Variants in DSCAM observed in about 807,000 individuals in gnomAD.
DSCAM encodes the protein DS cell adhesion molecule.
DSCAM carries 47 observed loss-of-function variants against 217.7 expected under a neutral mutation model. The observed-to-expected ratio is 0.22, with a 90% CI of 0.17 to 0.28. DSCAM has a LOEUF of 0.28. DSCAM is among the 10% of genes least tolerant of loss of function. The pLI is 1.00. For synonymous variants in DSCAM, 1,056 were observed against 1,015.3 expected, an observed-to-expected ratio of 1.04 and a Z score of -0.76; for missense variants, 2,080 against 2,618.3, an observed-to-expected ratio of 0.79 and a Z score of 4.49.
chr21:40,713,983 C>A (rs2090812122), intron 1 of DSCAM, among the ~76,000 whole-genome samples: 1 of 152,174 alleles, frequency 6.6e-6, no homozygotes, highest in Non-Finnish European at 1.5e-5. Context: ...TGGTCCCAGG[C>A]CTGGCTTAAC....
intron 3 of DSCAM, among the ~76,000 whole-genome samples, chr21:40,486,397 G>A (rs1001227656): frequency 1.3e-5 from 2 of 151,950 alleles, no homozygotes; most frequent in African/African-American, 2.4e-5. Context: ...TCAGATCCTG[G>A]CATGGAGTAT....
chr21:40,789,440 G>T (rs1033447228), intron 1 of DSCAM, among the ~76,000 whole-genome samples: 7 of 152,214 alleles, frequency 4.6e-5, no homozygotes, highest in East Asian at 3.9e-4. Flanking sequence ...CTGTAGCTGA[G>T]CAGCTTTGTA....
At chr21:40,676,674 A>C (rs545236642) in intron 3 of DSCAM, among the ~76,000 whole-genome samples, 1 of 152,314 alleles carries the variant, frequency 6.6e-6, no homozygotes, top group East Asian at 1.9e-4. Context: ...ACTGACATGG[A>C]AAGTTCGAAC....
intron 3 of DSCAM, among the ~76,000 whole-genome samples, chr21:40,620,045 AG>A (rs2089463917): frequency 8.2e-6 from 1 of 122,184 alleles, no homozygotes; most frequent in Non-Finnish European, 1.7e-5. Context: ...AGAAAGAGAG[AG>A]AAAAAAGAAA....
intron 11 of DSCAM, among the ~76,000 whole-genome samples, chr21:40,201,151 C>G (rs1338620488): frequency 6.6e-6 from 1 of 152,102 alleles, no homozygotes; most frequent in African/African-American, 2.4e-5. Context: ...ATGACAACAT[C>G]TCCACTTCCT....
In DSCAM at chr21:40,812,736, T is replaced by C. The variant is rs941015640; in HGVS notation, c.43+33883A>G. Among the ~76,000 whole-genome samples, 9 of 152,318 alleles carry C rather than the reference T, an allele frequency of 5.9e-5. No homozygotes were observed. The East Asian group carries it at 7.7e-4, about 13-fold the overall frequency. ...ACATTTATCATTCTAGAAGATGATGTAGAATAAAGATAGAGGAGAGCCTTG... is the reference window on the plus strand; with the variant it reads ...ACATTTATCATTCTAGAAGATGATGCAGAATAAAGATAGAGGAGAGCCTTG... On this transcript the variant is annotated intron_variant, in intron 1 of 32. Coordinates refer to ENST00000400454, the MANE Select transcript of DSCAM (RefSeq NM_001389.5).
chr21:40,675,955 A>G (rs2090332926), intron 3 of DSCAM, among the ~76,000 whole-genome samples: 1 of 152,232 alleles, frequency 6.6e-6, no homozygotes, highest in African/African-American at 2.4e-5. Context: ...ATTAGTAAAA[A>G]GCAGCATCGT....
At chr21:40,065,897 C>G (rs1265892191) in intron 27 of DSCAM, among the ~76,000 whole-genome samples, 1 of 152,220 alleles carries the variant, frequency 6.6e-6, no homozygotes, top group Non-Finnish European at 1.5e-5. Flanking sequence ...GCACAGAGAA[C>G]CCACCTTCCG....
intron 10 of DSCAM, among the ~76,000 whole-genome samples, chr21:40,281,618 C>A (rs1271778281): frequency 2.0e-5 from 3 of 152,186 alleles, no homozygotes; most frequent in Non-Finnish European, 2.9e-5. Flanking sequence ...TCAGTGCTAG[C>A]TGAGGGTTAA....
At chr21:40,049,084 G>GTAGAT (rs1370854070) in intron 30 of DSCAM, among the ~76,000 whole-genome samples, 1 of 152,180 alleles carries the variant, frequency 6.6e-6, no homozygotes, top group Non-Finnish European at 1.5e-5. Context: ...ATGCATTTGA[G>GTAGAT]TAGATTTGCT....
intron 3 of DSCAM, among the ~76,000 whole-genome samples, chr21:40,677,554 A>C (rs1010002486): frequency 6.6e-6 from 1 of 152,210 alleles, no homozygotes; most frequent in African/African-American, 2.4e-5. Context: ...CCCCCCAAAA[A>C]GTCAAGAAAC....
At chr21:40,365,664 C>T (rs1459840515) in intron 4 of DSCAM, among the ~76,000 whole-genome samples, 1 of 152,132 alleles carries the variant, frequency 6.6e-6, no homozygotes, top group Admixed American at 6.6e-5. Context: ...AGAAGAGTTG[C>T]TCATCTTCTC....
At position 40,331,508 on chromosome 21, in the gene DSCAM, G is replaced by A. The variant is rs1458308742; in HGVS notation, c.1783+6593C>T. Among the ~76,000 whole-genome samples, 3 of 152,116 alleles carry A rather than the reference G, an allele frequency of 2.0e-5. No individual in the cohort carries two copies. The East Asian group carries it at 5.8e-4, about 29-fold the overall frequency. Reference sequence around the variant, plus strand: ...ACAGCAAGACATTACGGTGACAGACGAGACACAGCACAGGACAAAAAGCTG... The same window carrying A: ...ACAGCAAGACATTACGGTGACAGACAAGACACAGCACAGGACAAAAAGCTG... On this transcript the variant is annotated intron_variant, in intron 8 of 32. Transcript: ENST00000400454.
intron 3 of DSCAM, among the ~76,000 whole-genome samples, chr21:40,521,083 T>C (rs1054734375): frequency 3.3e-5 from 5 of 152,240 alleles, no homozygotes; most frequent in Admixed American, 3.3e-4. Context: ...ATCCCTACTG[T>C]ATGTAGAACA....
At chr21:40,579,137 A>G (rs1298205872) in intron 3 of DSCAM, among the ~76,000 whole-genome samples, 1 of 152,158 alleles carries the variant, frequency 6.6e-6, no homozygotes, top group African/African-American at 2.4e-5. Context: ...CACACAGACC[A>G]CAGCCCACCA....
intron 3 of DSCAM, among the ~76,000 whole-genome samples, chr21:40,405,530 C>T (rs1209963224): frequency 6.6e-6 from 1 of 152,064 alleles, no homozygotes; most frequent in African/African-American, 2.4e-5. Context: ...AAAGCTTCTG[C>T]ACAGCAAAGG....
At chr21:40,141,975 T>TACACACAC (rs72076559) in intron 18 of DSCAM, among the ~76,000 whole-genome samples, 336 of 143,204 alleles carry the variant, frequency 2.3e-3, no homozygotes, top group African/African-American at 8.7e-3. Flanking sequence ...CCACTTGAAA[T>TACACACAC]ACACACACAC....
At chr21:40,360,139 T>G (rs1267597725) in intron 4 of DSCAM, among the ~76,000 whole-genome samples, 1 of 139,398 alleles carries the variant, frequency 7.2e-6, no homozygotes, top group African/African-American at 2.7e-5. Flanking sequence ...TTTTTTTTTT[T>G]TTTTTTTTTT....
At chr21:40,768,979 G>A (rs767363774) in intron 1 of DSCAM, among the ~76,000 whole-genome samples, 4 of 152,190 alleles carry the variant, frequency 2.6e-5, no homozygotes, top group Non-Finnish European at 5.9e-5. Flanking sequence ...TATTGAAGAC[G>A]TCCTTTGATG....
Sources: allele counts gnomAD v4.1 joint callset (sites outside exome capture counted in the v4.1 genomes callset), GRCh38; gene constraint gnomAD v4.1.1; transcripts MANE v1.5; gene names NCBI Gene and HGNC (gene_info 2026-07-23, HGNC 2026-07-21).